The following DSCAM variants were observed in gnomAD, a reference collection of about 807,000 sequenced individuals.
The protein encoded by DSCAM is cell adhesion molecule DSCAM.
DSCAM carries 47 observed loss-of-function variants against 217.7 expected under a neutral mutation model. The ratio of observed to expected loss-of-function variants is 0.22; its 90% CI spans 0.17 to 0.28. The LOEUF (loss-of-function observed/expected upper bound fraction) is 0.28. Among genes scored for constraint, DSCAM ranks in the 10% least tolerant of loss-of-function variants. The pLI, the probability that DSCAM is intolerant of heterozygous loss-of-function variation, is 1.00. For missense variants in DSCAM, 2,080 were observed against 2,618.3 expected (o/e 0.79, Z 4.49); for synonymous variants, 1,056 against 1,015.3 (o/e 1.04, Z -0.76).
intron 20 of DSCAM, among the ~76,000 whole-genome samples, chr21:40,115,900 A>G (rs965854907): frequency 3.3e-5 from 5 of 152,236 alleles, no homozygotes; most frequent in Admixed American, 2.0e-4. Context: ...TGTGAAATCA[A>G]TCTAAATGCC....
chr21:40,453,794 G>C (rs1454037073), intron 3 of DSCAM, among the ~76,000 whole-genome samples: 2 of 152,208 alleles, frequency 1.3e-5, no homozygotes, highest in African/African-American at 4.8e-5. Flanking sequence ...TCCTGTAAAA[G>C]TATTCTAACT....
Position 40,080,278 on chromosome 21 carries a change from T to A in DSCAM, c.4294A>T (p.Ser1432Cys). The A allele has an allele frequency of 6.2e-7, 1 of 1,613,570 alleles. No individual in the cohort carries two copies. ...EQWGSFPISP[S>C]ERSYRLENLK... is the part of the protein sequence containing the mutation. The stretch of plus-strand genomic sequence containing the variant: ...TTTTCCAAGCGATAGGAACGTTCGC[T>A]GGGGCTGATTGGAAAACTCCCCCAC... Residue 1432 changes from serine (S) to cysteine (C), a missense_variant, in exon 25 of 33, where the codon AGC (serine) becomes TGC (cysteine). Physicochemically the swap from Ser to Cys is moderately radical, Grantham distance 112. Transcript: ENST00000400454.
intron 11 of DSCAM, among the ~76,000 whole-genome samples, chr21:40,232,762 T>A (rs2091393311): frequency 6.6e-6 from 1 of 152,128 alleles, no homozygotes; most frequent in Non-Finnish European, 1.5e-5. Context: ...AAATATATAA[T>A]TAAGTAATCA....
chr21:40,019,347 G>A (rs1378904216), intron 32 of DSCAM, among the ~76,000 whole-genome samples: 1 of 152,204 alleles, frequency 6.6e-6, no homozygotes, highest in African/African-American at 2.4e-5. Context: ...GTGGTGATGA[G>A]GAATAGAGGC....
intron 32 of DSCAM, among the ~76,000 whole-genome samples, chr21:40,026,495 G>C (rs1303885498): frequency 7.3e-6 from 1 of 137,012 alleles, no homozygotes; most frequent in East Asian, 2.1e-4. Flanking sequence ...CATTATTAAT[G>C]TGTGGGAGTC....
intron 3 of DSCAM, among the ~76,000 whole-genome samples, chr21:40,389,418 C>T (rs2075114514): frequency 6.6e-6 from 1 of 152,154 alleles, no homozygotes; most frequent in African/African-American, 2.4e-5. Context: ...TTCTTTCTGG[C>T]ACATTCCAAA....
At chr21:40,202,743 T>C (rs190299367) in intron 11 of DSCAM, among the ~76,000 whole-genome samples, 1 of 152,382 alleles carries the variant, frequency 6.6e-6, no homozygotes, top group East Asian at 1.9e-4. Flanking sequence ...GAAACCACTC[T>C]GACCATGTGA....
intron 3 of DSCAM, among the ~76,000 whole-genome samples, chr21:40,376,537 C>T (rs1460029590): frequency 1.2e-5 from 1 of 86,344 alleles, no homozygotes; most frequent in African/African-American, 5.0e-5. Flanking sequence ...ATATAGATAT[C>T]GATATATCTT....
At chr21:40,712,174 TA>T (rs1568997477) in intron 1 of DSCAM, among the ~76,000 whole-genome samples, 4 of 152,188 alleles carry the variant, frequency 2.6e-5, no homozygotes, top group Non-Finnish European at 5.9e-5. Flanking sequence ...ATGACACAAC[TA>T]AGACTCTCAG....
intron 15 of DSCAM, among the ~76,000 whole-genome samples, chr21:40,172,683 G>A (rs1353383162): frequency 6.6e-6 from 1 of 152,176 alleles, no homozygotes; most frequent in Non-Finnish European, 1.5e-5. Flanking sequence ...TAATTGATAT[G>A]GGCTCAATCA....
At chr21:40,251,853 C>CT (rs944240299) in intron 11 of DSCAM, among the ~76,000 whole-genome samples, 22 of 152,062 alleles carry the variant, frequency 1.4e-4, no homozygotes, top group African/African-American at 2.4e-4. Context: ...TCTTTTCTTT[C>CT]TTTTTTTTAA....
At chr21:40,500,424 A>C (rs1353085054) in intron 3 of DSCAM, among the ~76,000 whole-genome samples, 2 of 152,172 alleles carry the variant, frequency 1.3e-5, no homozygotes, top group Non-Finnish European at 2.9e-5. Flanking sequence ...TTCCAGGAAT[A>C]AATATCTGTT....
At chr21:40,239,509 G>C (rs1014902393) in intron 11 of DSCAM, among the ~76,000 whole-genome samples, 3 of 152,202 alleles carry the variant, frequency 2.0e-5, no homozygotes, top group East Asian at 3.8e-4. Flanking sequence ...GATAAAGAAA[G>C]TAATTTTATA....
intron 1 of DSCAM, among the ~76,000 whole-genome samples, chr21:40,788,555 G>A (rs1042317791): frequency 1.3e-5 from 2 of 152,086 alleles, no homozygotes; most frequent in Non-Finnish European, 2.9e-5. Flanking sequence ...TTATTTGGAA[G>A]CACTCATTCT....
chr21:40,490,163 G>T (rs552316503), intron 3 of DSCAM, among the ~76,000 whole-genome samples: 1 of 152,044 alleles, frequency 6.6e-6, no homozygotes, highest in South Asian at 2.1e-4. Flanking sequence ...ATTATCATGA[G>T]AACAGCCCAG....
intron 3 of DSCAM, among the ~76,000 whole-genome samples, chr21:40,495,129 T>G (rs942802370): frequency 2.0e-5 from 3 of 152,194 alleles, no homozygotes; most frequent in Non-Finnish European, 2.9e-5. Flanking sequence ...CAGGACCTGA[T>G]GGCTTCATTG....
intron 3 of DSCAM, among the ~76,000 whole-genome samples, chr21:40,451,991 G>C (rs946203499): frequency 3.9e-5 from 6 of 152,092 alleles, no homozygotes; most frequent in African/African-American, 1.4e-4. Flanking sequence ...CGCTACTGCT[G>C]AAAGATTCCA....
At chr21:40,093,211 AGAT>A (rs1227520863) in intron 21 of DSCAM, among the ~76,000 whole-genome samples, 3 of 152,222 alleles carry the variant, frequency 2.0e-5, no homozygotes, top group African/African-American at 7.2e-5. Flanking sequence ...ACAAATGTGA[AGAT>A]ATTATATTCA....
At chr21:40,497,700 T>C (rs975213944) in intron 3 of DSCAM, among the ~76,000 whole-genome samples, 2 of 152,234 alleles carry the variant, frequency 1.3e-5, no homozygotes, top group Non-Finnish European at 2.9e-5. Context: ...TGTATACATA[T>C]AAGAAAACAT....
Sources: allele counts gnomAD v4.1 joint callset (sites outside exome capture counted in the v4.1 genomes callset), GRCh38; gene constraint gnomAD v4.1.1; transcripts MANE v1.5; gene names NCBI Gene and HGNC (gene_info 2026-07-23, HGNC 2026-07-21).